Variants in PPP3CA observed in about 807,000 individuals in gnomAD.
The protein encoded by PPP3CA is protein phosphatase 3 catalytic subunit alpha.
Under a neutral mutation model 66.5 loss-of-function variants are expected in PPP3CA, and 14 were observed. The ratio of observed to expected loss-of-function variants is 0.21; its 90% CI spans 0.14 to 0.33. PPP3CA has a LOEUF of 0.33. Among genes scored for constraint, PPP3CA ranks in the 10% least tolerant of loss-of-function variants. The pLI, the probability that PPP3CA is intolerant of heterozygous loss-of-function variation, is 1.00. For missense variants in PPP3CA, 317 were observed against 639.5 expected (o/e 0.50, Z 5.44); for synonymous variants, 232 against 226.2 (o/e 1.03, Z -0.23).
intron 1 of PPP3CA, among the ~76,000 whole-genome samples, chr4:101,332,995 C>A (rs1729438086): frequency 1.3e-5 from 2 of 152,104 alleles, no homozygotes; most frequent in African/African-American, 4.8e-5. Context: ...AACTAGCTTA[C>A]GTCTGAGCCC....
At chr4:101,211,412 T>C (rs761649445) in intron 1 of PPP3CA, among the ~76,000 whole-genome samples, 74 of 152,324 alleles carry the variant, frequency 4.9e-4, no homozygotes, top group Non-Finnish European at 9.0e-4. Flanking sequence ...TGGTATATGA[T>C]TCACATCTCA....
chr4:101,284,421 C>T (rs1288877243), intron 1 of PPP3CA, among the ~76,000 whole-genome samples: 2 of 152,078 alleles, frequency 1.3e-5, no homozygotes, highest in Non-Finnish European at 2.9e-5. Flanking sequence ...TGGTTTTTTA[C>T]ACATGAAGAC....
At chr4:101,293,857 A>AT (rs532355729) in intron 1 of PPP3CA, among the ~76,000 whole-genome samples, 7 of 151,906 alleles carry the variant, frequency 4.6e-5, no homozygotes, top group Admixed American at 3.9e-4. Flanking sequence ...TTGTTTGCTT[A>AT]TTTTTTTTCT....
intron 8 of PPP3CA, among the ~76,000 whole-genome samples, chr4:101,070,774 T>C (rs549875173): frequency 1.2e-4 from 19 of 152,342 alleles, no homozygotes; most frequent in Admixed American, 3.9e-4. Flanking sequence ...TAATGTGTTA[T>C]ACCTACATAC....
At chr4:101,109,102 ATGGT>A in intron 2 of PPP3CA, 24 bp from the exon 3 acceptor site, 3 of 1,607,636 alleles carry the variant, frequency 1.9e-6, no homozygotes, top group Non-Finnish European at 2.6e-6. Context: ...AATTCATTTT[ATGGT>A]CATATTATGT....
chr4:101,347,122 GGGA>G lies in PPP3CA; in HGVS notation c.-329_-327del. On this transcript the variant is annotated 5_prime_UTR_variant, in exon 1 of 14. Coordinates refer to ENST00000394854, the MANE Select transcript of PPP3CA (RefSeq NM_000944.5). The stretch of plus-strand genomic sequence containing the variant: ...TTTTATTCTTGGGGGAAGGGGGATG[GGGA>G]GGAGAAGCGCACACACGAGCACCCA... 1 of 475,922 alleles carries G rather than the reference GGGA, an allele frequency of 2.1e-6. No homozygotes were observed. Among genetic ancestry groups the G allele is most frequent in the Non-Finnish European group, 3.8e-6 (1 of 264,880 alleles). 29.5% of individuals were successfully genotyped at this position (475,922 alleles called of 1,614,324 possible).
intron 8 of PPP3CA, among the ~76,000 whole-genome samples, chr4:101,067,032 G>GT (rs1216396474): frequency 1.3e-5 from 2 of 152,074 alleles, no homozygotes; most frequent in Non-Finnish European, 2.9e-5. Flanking sequence ...CTTAACAATT[G>GT]TAACAGAGAG....
At chr4:101,279,405 A>C (rs938726898) in intron 1 of PPP3CA, among the ~76,000 whole-genome samples, 2 of 152,166 alleles carry the variant, frequency 1.3e-5, no homozygotes, top group African/African-American at 4.8e-5. Flanking sequence ...GAGAGTTAGA[A>C]GCAGAGTAAG....
At chr4:101,269,806 G>A (rs558999292) in intron 1 of PPP3CA, among the ~76,000 whole-genome samples, 1 of 152,202 alleles carries the variant, frequency 6.6e-6, no homozygotes, top group South Asian at 2.1e-4. Flanking sequence ...TAAGATAAGT[G>A]TCCAAATATG....
chr4:101,311,522 G>T (rs1411437597), intron 1 of PPP3CA, among the ~76,000 whole-genome samples: 3 of 152,186 alleles, frequency 2.0e-5, no homozygotes, highest in African/African-American at 7.2e-5. Context: ...GCTTATGCTT[G>T]TGATTCCAAC....
At chr4:101,141,927 A>T (rs1188583892) in intron 2 of PPP3CA, among the ~76,000 whole-genome samples, 1 of 152,222 alleles carries the variant, frequency 6.6e-6, no homozygotes, top group African/African-American at 2.4e-5. Context: ...AGTGGTAAAT[A>T]TAATCTCAGA....
chr4:101,249,051 T>G (rs1043717366), intron 1 of PPP3CA, among the ~76,000 whole-genome samples: 2 of 151,474 alleles, frequency 1.3e-5, no homozygotes, highest in Admixed American at 1.3e-4. Flanking sequence ...TCCCAGCTAC[T>G]CGGGAGGCTG....
rs182614838 is a variant in PPP3CA at position 101,213,754 on chromosome 4, T to G, written c.59-17638A>C. On this transcript the variant is annotated intron_variant, in intron 1 of 13. Coordinates refer to ENST00000394854, the MANE Select transcript of PPP3CA (RefSeq NM_000944.5). ...ATTAAATGGTAAAAATAACACAGCT[T>G]GTGGGCAGAGCCACGACATAATCCG... Among the ~76,000 whole-genome samples the G allele has an allele frequency of 2.6e-3, 403 of 152,234 alleles. 4 individuals are homozygous for G. Among genetic ancestry groups the G allele is most frequent in the African/African-American group, 9.1e-3 (377 of 41,544 alleles).
intron 1 of PPP3CA, among the ~76,000 whole-genome samples, chr4:101,201,988 T>C (rs1407186937): frequency 2.0e-5 from 3 of 152,196 alleles, no homozygotes; most frequent in Non-Finnish European, 4.4e-5. Context: ...ACCCAAGCTC[T>C]GAAGAGCTTA....
At chr4:101,219,115 G>A (rs1725543914) in intron 1 of PPP3CA, among the ~76,000 whole-genome samples, 1 of 152,012 alleles carries the variant, frequency 6.6e-6, no homozygotes, top group African/African-American at 2.4e-5. Context: ...GGGGAAAATG[G>A]AAGGGTGTGA....
At chr4:101,091,670 G>A (rs933848924) in intron 6 of PPP3CA, among the ~76,000 whole-genome samples, 6 of 151,762 alleles carry the variant, frequency 4.0e-5, no homozygotes, top group Admixed American at 3.3e-4. Flanking sequence ...TCAGATCAAC[G>A]TCCTATAGAA....
chr4:101,281,891 T>C (rs1407813231), intron 1 of PPP3CA, among the ~76,000 whole-genome samples: 1 of 152,156 alleles, frequency 6.6e-6, no homozygotes, highest in Non-Finnish European at 1.5e-5. Flanking sequence ...CCTGTACTAG[T>C]TGCCAAATGA....
intron 1 of PPP3CA, 74 bp downstream of exon 1, chr4:101,346,665 A>ACG: frequency 7.7e-7 from 1 of 1,291,270 alleles, no homozygotes; most frequent in Non-Finnish European, 1.1e-6. Flanking sequence ...GAGGGGAGGA[A>ACG]AGGCGAGGCG....
chr4:101,115,841 T>C (rs1721821864), intron 2 of PPP3CA, among the ~76,000 whole-genome samples: 1 of 152,014 alleles, frequency 6.6e-6, no homozygotes, highest in African/African-American at 2.4e-5. Flanking sequence ...GGTCAACTTG[T>C]TAACAATGAG....
Sources: gnomAD v4.1 joint callset for allele counts (sites outside exome capture counted in the v4.1 genomes callset) on GRCh38, gnomAD v4.1.1 for gene constraint, MANE v1.5 for transcripts, NCBI Gene and HGNC (gene_info 2026-07-23, HGNC 2026-07-21) for gene names.